DNAH2: variants seen among roughly 807,000 people sequenced by gnomAD.
DNAH2 encodes the protein axonemal beta dynein heavy chain 2.
DNAH2 carries 323 observed loss-of-function variants against 523.5 expected under a neutral mutation model. That is an observed-to-expected ratio of 0.62 (90% CI 0.56 to 0.68). DNAH2 has a LOEUF of 0.68. Ranked by LOEUF, DNAH2 falls within the 30% of genes least tolerant of loss-of-function variation. The pLI, the probability that DNAH2 is intolerant of heterozygous loss-of-function variation, is 0.00. For synonymous variants in DNAH2, 2,093 were observed against 2,177.4 expected (o/e 0.96, Z 1.08); for missense variants, 4,907 against 5,701.5 (o/e 0.86, Z 4.49).
At position 7,809,090 on chromosome 17, in the gene DNAH2, G is replaced by A. The variant is rs375753380; in HGVS notation, c.9729+1504G>A. ...GTTTCCAATCTTTGGATCTTTGCTT[G>A]CCCTGTAACTTTGTTGGTGCTATCT... On this transcript the variant is annotated intron_variant, in intron 63 of 85. Coordinates refer to ENST00000572933, the MANE Select transcript of DNAH2 (RefSeq NM_020877.5). Among the ~76,000 whole-genome samples, 166 of 152,250 alleles carry A rather than the reference G, an allele frequency of 1.1e-3. 2 individuals are homozygous for A. The highest frequency in any genetic ancestry group is 3.8e-3 in the African/African-American group (157 of 41,552).
rs749227697 is a variant in DNAH2 at position 7,764,215 on chromosome 17, C to T, written c.3278C>T (p.Pro1093Leu). 3.1e-6 allele frequency: 5 copies of T among 1,614,010 alleles called. No individual in the cohort carries two copies. The East Asian group carries it at 8.9e-5, about 29-fold the overall frequency. The change falls in exon 20 of 86, where the codon CCT (proline) becomes CTT (leucine). Residue 1093 changes from proline to leucine, a missense_variant. This residue lies in a region of DNAH2 where 2,806 missense variants were observed against 3,190.8 expected (regional missense o/e 0.88). Coordinates refer to ENST00000572933, the MANE Select transcript of DNAH2 (RefSeq NM_020877.5). ...HDLANVETQI[P>L]PIHEQFAILE... ...TTGGCCAACGTGGAGACTCAGATCC[C>T]TCCCATACACGAGCAATTTGCCATT...
chr17:7,823,739 GC>G, intron 74 of DNAH2, 94 bp from the exon 75 acceptor site: 1 of 1,579,376 alleles, frequency 6.3e-7, no homozygotes, highest in Non-Finnish European at 8.6e-7. Context: ...CTGCCTCCTG[GC>G]CCGGAGCACA....
chr17:7,786,175 C>T lies in DNAH2; in HGVS notation c.6181C>T (p.Pro2061Ser), dbSNP rs2076727454. Residue 2061 changes from proline to serine, a missense_variant, in exon 40 of 86, where the codon CCG (proline) becomes TCG (serine). Physicochemically the swap from Pro to Ser is moderately conservative, Grantham distance 74 (BLOSUM62 -1). Around this residue, in one of 3 missense-constraint regions of DNAH2, gnomAD observed 2,806 missense variants for 3,190.8 expected, o/e 0.88. Transcript: ENST00000572933. This position sits in a 1 kb window ranked among gnomAD's most constrained non-coding sequence, Gnocchi z 7.5. ...TCGAGACATGGGCCTGCAAAGCACG[C>T]CGTTCACCCTCACCAAGGTTTTCCA... ...EIRDMGLQST[P>S]FTLTKVFQLY... 7 of 1,614,034 alleles carry T rather than the reference C, an allele frequency of 4.3e-6. No homozygotes were observed. The Admixed American group carries it at 6.7e-5, about 15-fold the overall frequency.
chr17:7,737,981 C>G (rs552424025), intron 8 of DNAH2: 6 of 702,946 alleles, frequency 8.5e-6, no homozygotes, highest in Non-Finnish European at 1.6e-5. Flanking sequence ...TGAGATCATC[C>G]GCTTATGCTG....
At position 7,757,200 on chromosome 17, in the gene DNAH2, C is replaced by T. The variant is rs113379168; in HGVS notation, c.2014C>T (p.Arg672Cys). 6.2e-7 allele frequency: 1 copy of T among 1,614,026 alleles called. No individual in the cohort carries two copies. The highest frequency in any genetic ancestry group is 1.3e-5 in the African/African-American group (1 of 74,894). Reference protein sequence around the residue: ...AERAEDLRILRENLLLVARDY... With the variant: ...AERAEDLRILCENLLLVARDY... Reference sequence around the variant, plus strand: ...GCGAGCCGAGGACCTGCGCATTCTGCGTGAAAATCTGCTACTCGTTGCTAG... The same window carrying T: ...GCGAGCCGAGGACCTGCGCATTCTGTGTGAAAATCTGCTACTCGTTGCTAG... The change falls in exon 13 of 86, where the codon CGT becomes TGT. Residue 672 changes from arginine to cysteine, a missense_variant. Arg to Cys is a radical substitution (Grantham distance 180). Around this residue, in one of 3 missense-constraint regions of DNAH2, gnomAD observed 2,806 missense variants for 3,190.8 expected, o/e 0.88. Coordinates refer to ENST00000572933, the MANE Select transcript of DNAH2 (RefSeq NM_020877.5).
chr17:7,741,340 T>C (rs2075341959), intron 11 of DNAH2, among the ~76,000 whole-genome samples: 1 of 124,234 alleles, frequency 8.0e-6, no homozygotes, highest in Non-Finnish European at 1.7e-5. Context: ...CTTCCTTCCT[T>C]CCTTCCTTCC....
At position 7,805,303 on chromosome 17, in the gene DNAH2, C is replaced by T. The variant is rs746986584; in HGVS notation, c.9352C>T (p.Arg3118Trp). The T allele has an allele frequency of 1.5e-5, 25 of 1,614,128 alleles. No individual in the cohort carries two copies. Among genetic ancestry groups the T allele is most frequent in the East Asian group, 2.2e-5 (1 of 44,904 alleles). Residue 3118 changes from arginine to tryptophan, a missense_variant, in exon 61 of 86, where the codon CGG becomes TGG. This residue lies in a region of DNAH2 where 1,851 missense variants were observed against 2,139.4 expected (regional missense o/e 0.87). Coordinates refer to ENST00000572933, the MANE Select transcript of DNAH2 (RefSeq NM_020877.5). ...KDIGEIKSYGRPPAQVEIVMQ... is the reference protein window; with the variant it reads ...KDIGEIKSYGWPPAQVEIVMQ... ...TATAGGAGAGATCAAGTCTTATGGA[C>T]GGCCCCCAGCCCAAGTGGAGATAGT...
At chr17:7,772,280 G>A (rs964639639) in intron 28 of DNAH2, among the ~76,000 whole-genome samples, 2 of 152,078 alleles carry the variant, frequency 1.3e-5, no homozygotes, top group Non-Finnish European at 2.9e-5. Context: ...TTTCCCAAGA[G>A]CCTTCAGTAT....
intron 12 of DNAH2, among the ~76,000 whole-genome samples, chr17:7,755,808 C>CT (rs57342823): frequency 0.24 from 34,907 of 145,306 alleles, 5,010 homozygotes; most frequent in Non-Finnish European, 0.34. Flanking sequence ...CCTGGTATCT[C>CT]TTTTTTTTTT....
At chr17:7,763,598 G>T (rs2151203527) in intron 18 of DNAH2, among the ~76,000 whole-genome samples, 1 of 152,338 alleles carries the variant, frequency 6.6e-6, no homozygotes, top group African/African-American at 2.4e-5. Flanking sequence ...AGCTTTGAAT[G>T]CCAGAATAAG....
Position 7,759,628 on chromosome 17 carries a change from C to T in DNAH2, c.2637+18C>T, listed in dbSNP as rs1299546221. ...TGGCACAGGTAAGAACCACTTTGCCCCCAACATCTCAAAACCATTGCATCT... is the reference window on the plus strand; with the variant it reads ...TGGCACAGGTAAGAACCACTTTGCCTCCAACATCTCAAAACCATTGCATCT... On this transcript the variant is annotated intron_variant, in intron 16 of 85. Coordinates refer to ENST00000572933, the MANE Select transcript of DNAH2 (RefSeq NM_020877.5). 1 of 1,609,556 alleles carries T rather than the reference C, an allele frequency of 6.2e-7. No individual in the cohort carries two copies. Among genetic ancestry groups the T allele is most frequent in the Non-Finnish European group, 8.5e-7 (1 of 1,177,482 alleles).
chr17:7,821,130 G>A lies in DNAH2; in HGVS notation c.11016-113G>A. On this transcript the variant is annotated intron_variant, in intron 72 of 85. Coordinates refer to ENST00000572933, the MANE Select transcript of DNAH2 (RefSeq NM_020877.5). This position sits in a 1 kb window ranked among gnomAD's most constrained non-coding sequence, Gnocchi z 5.0. Reference sequence around the variant, plus strand: ...CTGTTTCCAGGAGGTTAGGATTAGAGGCTGGTGAGGTCCTCTGTGTGAAGC... The same window carrying A: ...CTGTTTCCAGGAGGTTAGGATTAGAAGCTGGTGAGGTCCTCTGTGTGAAGC... The A allele has an allele frequency of 6.9e-7, 1 of 1,439,204 alleles. No individual in the cohort carries two copies. The highest frequency in any genetic ancestry group is 9.3e-7 in the Non-Finnish European group (1 of 1,076,586). The allele number at this position is 1,439,204 out of a possible 1,614,324, so 89.2% of individuals were successfully genotyped here.
intron 48 of DNAH2, among the ~76,000 whole-genome samples, chr17:7,793,451 CTT>C (rs1291891782): frequency 0.024 from 1,307 of 54,160 alleles, 42 homozygotes; most frequent in Middle Eastern, 0.078. Context: ...CTTTCTTTTT[CTT>C]TCTTTCTTTC....
rs766748328 is a variant in DNAH2 at position 7,779,345 on chromosome 17, G to A, written c.5644G>A (p.Gly1882Ser). 10 of 1,613,930 alleles carry A rather than the reference G, an allele frequency of 6.2e-6. No individual in the cohort carries two copies. Among genetic ancestry groups the A allele is most frequent in the East Asian group, 4.5e-5 (2 of 44,904 alleles). Reference protein sequence around the residue: ...ILCILSALAAGLTHFHFDGFE... With the variant: ...ILCILSALAASLTHFHFDGFE... ...GTGCATCCTGTCTGCCCTGGCTGCCGGCCTCACCCATTTCCATTTTGATGG... is the reference window on the plus strand; with the variant it reads ...GTGCATCCTGTCTGCCCTGGCTGCCAGCCTCACCCATTTCCATTTTGATGG... The change falls in exon 36 of 86, where the codon GGC becomes AGC. Residue 1882 changes from glycine (G) to serine (S), a missense_variant. By Grantham distance (56) the Gly-to-Ser change is moderately conservative. This residue lies in a region of DNAH2 where 2,806 missense variants were observed against 3,190.8 expected (regional missense o/e 0.88). Coordinates refer to ENST00000572933, the MANE Select transcript of DNAH2 (RefSeq NM_020877.5).
chr17:7,790,068 G>A (rs144015145), intron 44 of DNAH2, among the ~76,000 whole-genome samples: 23 of 152,292 alleles, frequency 1.5e-4, no homozygotes, highest in African/African-American at 5.3e-4. Context: ...GAAGGATGCC[G>A]AGTTTGCTGT....
In DNAH2 at chr17:7,754,716, C is replaced by T. The variant is rs62062617; in HGVS notation, c.1905-2375C>T. The T allele has an allele frequency of 0.046, 53,110 of 1,154,420 alleles. 1,573 individuals are homozygous for T. Among genetic ancestry groups the T allele is most frequent in the Non-Finnish European group, 0.058 (45,179 of 779,864 alleles). 71.5% of individuals were successfully genotyped at this position (1,154,420 alleles called of 1,614,324 possible). ...CAACCTTGGGAAGCTTGCTCGTGCC[C>T]GCATGGCCAAGGGGCTCAGGCTGTG... On this transcript the variant is annotated intron_variant, in intron 12 of 85. Transcript: ENST00000572933. This position sits in a 1 kb window ranked among gnomAD's most constrained non-coding sequence, Gnocchi z 4.6.
chr17:7,724,112 C>T (rs941838269), intron 3 of DNAH2, among the ~76,000 whole-genome samples: 1 of 152,118 alleles, frequency 6.6e-6, no homozygotes, highest in Non-Finnish European at 1.5e-5. Context: ...AGAAATGGCA[C>T]TAAATGACCT....
chr17:7,797,568 C>A, intron 52 of DNAH2, 38 bp downstream of exon 52: 4 of 1,614,068 alleles, frequency 2.5e-6, no homozygotes, highest in Non-Finnish European at 3.4e-6. Flanking sequence ...GCTTGACACT[C>A]TTAGAACATC....
intron 42 of DNAH2, chr17:7,787,572 T>G: frequency 3.3e-6 from 1 of 305,540 alleles, no homozygotes; most frequent in South Asian, 4.6e-5. Context: ...CCATCTCTAC[T>G]AAAAAATACA....
Sources: allele counts gnomAD v4.1 joint callset (sites outside exome capture counted in the v4.1 genomes callset), GRCh38; gene constraint gnomAD v4.1.1; regional missense constraint gnomAD v4.1.1; non-coding constraint Gnocchi (gnomAD v3.1); transcripts MANE v1.5; gene names NCBI Gene and HGNC (gene_info 2026-07-23, HGNC 2026-07-21).